Variants in MOCS1 observed in about 807,000 individuals in gnomAD.
MOCS1 encodes the protein molybdenum cofactor biosynthesis protein 1.
Under a neutral mutation model 57.6 loss-of-function variants are expected in MOCS1, and 39 were observed. The ratio of observed to expected loss-of-function variants is 0.68; its 90% CI spans 0.52 to 0.88. The LOEUF (loss-of-function observed/expected upper bound fraction) is 0.88. MOCS1 is among the 40% of genes least tolerant of loss of function. MOCS1 has a pLI of 0.00. For synonymous variants in MOCS1, 334 were observed against 335.7 expected (o/e 1.00, Z 0.05); for missense variants, 795 against 831.1 (o/e 0.96, Z 0.53).
Position 39,927,357 on chromosome 6 carries a change from G to C in MOCS1, c.222C>G (p.Ile74Met). 1 of 1,612,274 alleles carries C rather than the reference G, an allele frequency of 6.2e-7. No individual in the cohort carries two copies. Residue 74 changes from isoleucine to methionine, a missense_variant, in exon 2 of 11, where the codon ATC becomes ATG. Around this residue, in one of 3 missense-constraint regions of MOCS1, gnomAD observed 416 missense variants for 392.4 expected, o/e 1.06. Transcript: ENST00000340692. Reference sequence around the variant, plus strand: ...TGAGGTTGCACTTCTCTGTGAGGGAGATCCGCAGGTAGCTGTGCTGCCGGC... The same window carrying C: ...TGAGGTTGCACTTCTCTGTGAGGGACATCCGCAGGTAGCTGTGCTGCCGGC... ...SFGRQHSYLR[I>M]SLTEKCNLRC...
In MOCS1 at chr6:39,927,630, A is replaced by G. The variant is rs747623747; in HGVS notation, c.124-175T>C. 9 of 1,594,574 alleles carry G rather than the reference A, an allele frequency of 5.6e-6. No homozygotes were observed. The South Asian group carries it at 1.0e-4, about 18-fold the overall frequency. ...CTGGGATTGTCCCTCTCGTTGAGAA[A>G]TCAGCTTGATGGGAAGGACCCACCC... On this transcript the variant is annotated intron_variant, in intron 1 of 10. Transcript: ENST00000340692.
intron 2 of MOCS1, 53 bp downstream of exon 2, chr6:39,927,276 G>C (rs764833970): frequency 2.5e-6 from 4 of 1,598,068 alleles, no homozygotes; most frequent in African/African-American, 2.7e-5. Flanking sequence ...AATTTCAAGG[G>C]CTGCTTCAGC....
intron 7 of MOCS1, 38 bp downstream of exon 7, chr6:39,912,854 T>C: frequency 4.5e-6 from 7 of 1,546,280 alleles, no homozygotes; most frequent in Non-Finnish European, 5.4e-6. Flanking sequence ...AGGTACGACC[T>C]TCCTCCAGGC....
chr6:39,913,273 C>T, intron 6 of MOCS1, 44 bp downstream of exon 6: 2 of 1,555,408 alleles, frequency 1.3e-6, no homozygotes, highest in Non-Finnish European at 1.8e-6. Context: ...GACCTGCAGG[C>T]CCAACCCCTT....
chr6:39,910,800 T>C (rs866135325), intron 8 of MOCS1, among the ~76,000 whole-genome samples: 8 of 152,198 alleles, frequency 5.3e-5, no homozygotes, highest in Non-Finnish European at 8.8e-5. Context: ...GTTCCTCCTG[T>C]GGACTTCACC....
At chr6:39,933,983 C>T (rs1768775701) in intron 1 of MOCS1, among the ~76,000 whole-genome samples, 1 of 152,172 alleles carries the variant, frequency 6.6e-6, no homozygotes, top group African/African-American at 2.4e-5. Flanking sequence ...CTGAAAGGTA[C>T]TAAGACACCT....
chr6:39,925,694 G>C lies in MOCS1; in HGVS notation c.402C>G (p.Asp134Glu). ...CCAACTCACCCACAATGTCCACCAC[G>C]TCCGGCCGGATAAGCGGCTCTCCAC... ...LTGGEPLIRPDVVDIVAQLQR... is the reference protein window; with the variant it reads ...LTGGEPLIRPEVVDIVAQLQR... Residue 134 changes from aspartate (D) to glutamate (E), a missense_variant, in exon 3 of 11, where the codon GAC becomes GAG. Asp to Glu is a conservative substitution (Grantham distance 45). Coordinates refer to ENST00000340692, the MANE Select transcript of MOCS1 (RefSeq NM_001358530.2). 1 of 1,612,800 alleles carries C rather than the reference G, an allele frequency of 6.2e-7. No homozygotes were observed. The highest frequency in any genetic ancestry group is 1.7e-5 in the Admixed American group (1 of 60,022).
intron 3 of MOCS1, among the ~76,000 whole-genome samples, chr6:39,924,797 G>A (rs1768182385): frequency 6.6e-6 from 1 of 152,210 alleles, no homozygotes; most frequent in Admixed American, 6.5e-5. Flanking sequence ...TAAAAACCAT[G>A]GCAGGATGCA....
At chr6:39,908,355 G>T (rs1361945258) in intron 10 of MOCS1, among the ~76,000 whole-genome samples, 1 of 152,090 alleles carries the variant, frequency 6.6e-6, no homozygotes, top group Non-Finnish European at 1.5e-5. Flanking sequence ...GCTATAATCT[G>T]GGCACCGTGA....
intron 4 of MOCS1, among the ~76,000 whole-genome samples, chr6:39,914,279 C>G (rs1021745467): frequency 5.9e-5 from 9 of 152,188 alleles, no homozygotes; most frequent in Admixed American, 1.3e-4. Flanking sequence ...GACCCTGGAT[C>G]TAGTTGAACC....
chr6:39,908,389 A>G (rs1767087013), intron 10 of MOCS1, among the ~76,000 whole-genome samples: 1 of 152,160 alleles, frequency 6.6e-6, no homozygotes, highest in Non-Finnish European at 1.5e-5. Context: ...GCCACCCTAC[A>G]GCTCCTCAGT....
intron 3 of MOCS1, among the ~76,000 whole-genome samples, chr6:39,917,863 C>G (rs1018750710): frequency 6.6e-6 from 1 of 152,042 alleles, no homozygotes; most frequent in African/African-American, 2.4e-5. Context: ...GCAGAATGAA[C>G]ACAGGAATGA....
chr6:39,912,858 T>A (rs751528434), intron 7 of MOCS1, 34 bp downstream of exon 7: 1 of 1,564,816 alleles, frequency 6.4e-7, no homozygotes, highest in Non-Finnish European at 8.8e-7. Flanking sequence ...ACGACCTTCC[T>A]CCAGGCCTGC....
chr6:39,923,060 G>A (rs1436259543), intron 3 of MOCS1, among the ~76,000 whole-genome samples: 2 of 152,192 alleles, frequency 1.3e-5, no homozygotes, highest in Admixed American at 1.3e-4. Context: ...AAGTGAGGGG[G>A]TGCAGCCACC....
intron 10 of MOCS1, among the ~76,000 whole-genome samples, chr6:39,907,320 C>T (rs911055994): frequency 6.8e-6 from 1 of 147,394 alleles, no homozygotes; most frequent in African/African-American, 2.6e-5. Context: ...AGTTCACAGC[C>T]CTTCTCACCC....
intron 3 of MOCS1, among the ~76,000 whole-genome samples, chr6:39,917,469 G>A (rs761904407): frequency 9.2e-5 from 14 of 151,986 alleles, no homozygotes; most frequent in Non-Finnish European, 2.1e-4. Flanking sequence ...AAACCATTTC[G>A]GGGGCAAGGC....
At position 39,909,856 on chromosome 6, in the gene MOCS1, T is replaced by C; in HGVS notation, c.1081A>G (p.Arg361Gly). The C allele has an allele frequency of 1.2e-6, 2 of 1,613,742 alleles. No individual in the cohort carries two copies. The highest frequency in any genetic ancestry group is 1.7e-6 in the Non-Finnish European group (2 of 1,180,018). Residue 361 changes from arginine (R) to glycine (G), a missense_variant, in exon 9 of 11, where the codon AGG becomes GGG. Transcript: ENST00000340692. ...TTACCTGCATGCTGCCGCTTCTTCC[T>C]GCCCACAGCAGCCCCAATGATTCTC... The part of the protein sequence containing the change: ...LLRIIGAAVG[R>G]KKRQHAGMFS...
rs1562076884 is a variant in MOCS1, at chr6:39,904,843, A to ATATT, written c.*1510_*1513dup. 2.2e-6 allele frequency: 1 copy of ATATT among 454,146 alleles called. No homozygotes were observed. Among genetic ancestry groups the ATATT allele is most frequent in the Admixed American group, 2.3e-5 (1 of 42,580 alleles). 28.1% of individuals were successfully genotyped at this position (454,146 alleles called of 1,614,324 possible). ...TAAGAATATATTGTAATACTAAAAA[A>ATATT]TATTAAATTCATACCATCCCTACCC... is the stretch of plus-strand genomic sequence containing the variant. On this transcript the variant is annotated 3_prime_UTR_variant, in exon 11 of 11. Transcript: ENST00000340692.
chr6:39,932,818 T>C (rs1768709869), intron 1 of MOCS1, among the ~76,000 whole-genome samples: 1 of 152,252 alleles, frequency 6.6e-6, no homozygotes, highest in Non-Finnish European at 1.5e-5. Context: ...TACGTTAACA[T>C]ACGTTAACTC....
Sources: gnomAD v4.1 joint callset for allele counts (sites outside exome capture counted in the v4.1 genomes callset) on GRCh38, gnomAD v4.1.1 for gene constraint, gnomAD v4.1.1 regional missense constraint, MANE v1.5 for transcripts, NCBI Gene and HGNC (gene_info 2026-07-23, HGNC 2026-07-21) for gene names.